DNAH12: variants seen among roughly 807,000 people sequenced by gnomAD.
DNAH12 encodes the protein dynein axonemal heavy chain 12.
In DNAH12, 285 loss-of-function variants were observed where a neutral mutation model predicts 371.5. That is an observed-to-expected ratio of 0.77 (90% confidence interval 0.70 to 0.85). The LOEUF is 0.85. DNAH12 is among the 40% of genes least tolerant of loss of function. DNAH12 has a pLI of 0.00. For missense variants in DNAH12, 3,611 were observed against 3,689.4 expected, an observed-to-expected ratio of 0.98 and a Z score of 0.55; for synonymous variants, 1,200 against 1,213.0, an observed-to-expected ratio of 0.99 and a Z score of 0.22.
At chr3:57,367,830 T>C (rs2063084661) in intron 56 of DNAH12, among the ~76,000 whole-genome samples, 1 of 152,188 alleles carries the variant, frequency 6.6e-6, no homozygotes, top group African/African-American at 2.4e-5. Context: ...TAACAGTGGT[T>C]AAGGCAATGA....
chr3:57,522,316 C>T (rs2068480498), intron 4 of DNAH12, among the ~76,000 whole-genome samples: 1 of 152,154 alleles, frequency 6.6e-6, no homozygotes, highest in Non-Finnish European at 1.5e-5. Context: ...TGATGGAATT[C>T]CTAGAAGCCA....
At chr3:57,342,523 T>C (rs1339639707) in intron 60 of DNAH12, among the ~76,000 whole-genome samples, 6 of 138,854 alleles carry the variant, frequency 4.3e-5, no homozygotes, top group Non-Finnish European at 9.2e-5. Flanking sequence ...CCGGGCATGG[T>C]GGTGGGCACC....
chr3:57,359,569 A>G (rs1393523892), intron 58 of DNAH12, among the ~76,000 whole-genome samples: 1 of 150,960 alleles, frequency 6.6e-6, no homozygotes, highest in Non-Finnish European at 1.5e-5. Context: ...CAAAAAAAAA[A>G]AAAAAAAAAA....
intron 44 of DNAH12, among the ~76,000 whole-genome samples, chr3:57,392,848 G>T (rs1164061555): frequency 2.6e-5 from 4 of 151,568 alleles, no homozygotes; most frequent in African/African-American, 7.3e-5. Context: ...CAAAGCTTAG[G>T]AAATTCCATT....
chr3:57,415,551 C>T lies in DNAH12; in HGVS notation c.5728G>A (p.Val1910Met), dbSNP rs1399256997. The change falls in exon 38 of 74, where the codon GTG becomes ATG. Residue 1910 changes from valine to methionine, a missense_variant. Transcript: ENST00000495027. ...SITYAKPLLF[V>M]GPTGTGKSVY... ...GATTTTCCTGTACCCGTTGGACCCACAAAAAGGAGTGGCCTTAATGAAAAC... is the reference window on the plus strand; with the variant it reads ...GATTTTCCTGTACCCGTTGGACCCATAAAAAGGAGTGGCCTTAATGAAAAC... The T allele has an allele frequency of 1.3e-6, 2 of 1,536,044 alleles. No individual in the cohort carries two copies. The highest frequency in any genetic ancestry group is 1.7e-6 in the Non-Finnish European group (2 of 1,143,408).
chr3:57,552,873 C>T, the DNAH12 span, among the ~76,000 whole-genome samples: 1 of 150,900 alleles, frequency 6.6e-6, no homozygotes, highest in Admixed American at 6.6e-5. Context: ...GAATGAGACC[C>T]TGTCTTAAAA....
upstream of DNAH12, among the ~76,000 whole-genome samples, chr3:57,547,481 A>T (rs1292668289): frequency 6.6e-6 from 1 of 152,088 alleles, no homozygotes; most frequent in Non-Finnish European, 1.5e-5. Context: ...TTTAATAGCC[A>T]ATGTTTCCAA....
chr3:57,314,234 A>G (rs960616961), intron 66 of DNAH12, among the ~76,000 whole-genome samples: 1 of 152,134 alleles, frequency 6.6e-6, no homozygotes, highest in Non-Finnish European at 1.5e-5. Context: ...CGAATCAACC[A>G]AACCCAGAGT....
intron 2 of DNAH12, among the ~76,000 whole-genome samples, chr3:57,534,132 CT>C (rs1180395734): frequency 6.6e-6 from 1 of 152,012 alleles, no homozygotes; most frequent in African/African-American, 2.4e-5. Context: ...TTGCTTTCCA[CT>C]GTGACAAGGC....
At chr3:57,397,865 G>A (rs1268707132) in intron 43 of DNAH12, among the ~76,000 whole-genome samples, 1 of 152,020 alleles carries the variant, frequency 6.6e-6, no homozygotes, top group Admixed American at 6.6e-5. Flanking sequence ...TATTTCAAAT[G>A]GTCAGCTCTC....
chr3:57,356,947 TG>T (rs1364742881), intron 59 of DNAH12, among the ~76,000 whole-genome samples: 61 of 152,074 alleles, frequency 4.0e-4, no homozygotes, highest in African/African-American at 1.4e-3. Context: ...TTCATCATGT[TG>T]GCCAGGCTGG....
At chr3:57,296,235 GTTA>G in intron 72 of DNAH12, 106 bp downstream of exon 72, 1 of 689,810 alleles carries the variant, frequency 1.4e-6, no homozygotes, top group Non-Finnish European at 2.3e-6. Context: ...GAGTTCTGAT[GTTA>G]TTATTACTTG....
At chr3:57,462,905 T>C (rs2066098270) in intron 17 of DNAH12, 30 bp from the exon 18 acceptor site, 3 of 1,502,148 alleles carry the variant, frequency 2.0e-6, no homozygotes, top group Non-Finnish European at 2.7e-6. Flanking sequence ...CAATTATGAG[T>C]CACTCATTTG....
Position 57,413,904 on chromosome 3 carries a change from GATA to G in DNAH12, c.5859_5861del (p.Ile1954del). On this transcript the variant is annotated inframe_deletion, in exon 39 of 74. Transcript: ENST00000495027. ...TGCGTCTTTTATCCAATCTAGCCATGATAATGTTCTAAAATATGAAGGAAGAAT... is the reference window on the plus strand; with the variant it reads ...TGCGTCTTTTATCCAATCTAGCCATGATGTTCTAAAATATGAAGGAAGAAT... 2 of 1,549,572 alleles carry G rather than the reference GATA, an allele frequency of 1.3e-6. No individual in the cohort carries two copies. Among genetic ancestry groups the G allele is most frequent in the Non-Finnish European group, 1.7e-6 (2 of 1,146,276 alleles).
At chr3:57,316,546 C>T (rs912809685) in intron 65 of DNAH12, among the ~76,000 whole-genome samples, 2 of 152,138 alleles carry the variant, frequency 1.3e-5, no homozygotes, top group African/African-American at 4.8e-5. Flanking sequence ...ATCCCACCTC[C>T]AACACTGGGC....
intron 62 of DNAH12, among the ~76,000 whole-genome samples, chr3:57,329,580 T>G (rs1368381527): frequency 6.9e-6 from 1 of 144,954 alleles, no homozygotes; most frequent in Non-Finnish European, 1.5e-5. Flanking sequence ...ATTAAAGACT[T>G]AAACGTTAGA....
chr3:57,391,182 C>T (rs2063614725), intron 45 of DNAH12, among the ~76,000 whole-genome samples: 3 of 152,140 alleles, frequency 2.0e-5, no homozygotes, highest in Admixed American at 6.6e-5. Context: ...TACATGCATT[C>T]AACATTTAAA....
intron 60 of DNAH12, among the ~76,000 whole-genome samples, chr3:57,350,058 T>C (rs2062634401): frequency 2.6e-5 from 4 of 152,202 alleles, no homozygotes; most frequent in Admixed American, 2.6e-4. Context: ...CTTCGTATGT[T>C]CTCACTCATA....
intron 4 of DNAH12, among the ~76,000 whole-genome samples, chr3:57,517,412 G>A (rs1157805374): frequency 1.3e-5 from 2 of 151,922 alleles, no homozygotes; most frequent in Non-Finnish European, 2.9e-5. Context: ...AAATTATACA[G>A]ACAAAGATGA....
Sources: gnomAD v4.1 joint callset for allele counts (sites outside exome capture counted in the v4.1 genomes callset) on GRCh38, gnomAD v4.1.1 for gene constraint, MANE v1.5 for transcripts, NCBI Gene and HGNC (gene_info 2026-07-23, HGNC 2026-07-21) for gene names.